KCNIP4: variants seen among roughly 807,000 people sequenced by gnomAD.
KCNIP4 encodes the protein potassium voltage-gated channel interacting protein 4, also known as Kv channel-interacting protein 4.
Under a neutral mutation model 34.0 loss-of-function variants are expected in KCNIP4, and 12 were observed. The observed-to-expected ratio is 0.35, with a 90% confidence interval of 0.23 to 0.57. The LOEUF (loss-of-function observed/expected upper bound fraction) is 0.57. Among genes scored for constraint, KCNIP4 ranks in the 20% least tolerant of loss-of-function variants. The pLI is 0.83. For missense variants in KCNIP4, 238 were observed against 311.7 expected, an observed-to-expected ratio of 0.76 and a Z score of 1.78; for synonymous variants, 124 against 102.2, an observed-to-expected ratio of 1.21 and a Z score of -1.29.
chr4:21,547,302 A>C (rs1738225800), intron 1 of KCNIP4, among the ~76,000 whole-genome samples: 1 of 152,254 alleles, frequency 6.6e-6, no homozygotes, highest in South Asian at 2.1e-4. Context: ...TGACTAATAC[A>C]ACAAAGAAAA....
rs1203274337 is a variant in KCNIP4, at chr4:21,147,955, A to G, written c.62-265246T>C. On this transcript the variant is annotated intron_variant, in intron 1 of 8. Transcript: ENST00000382152. ...ACTCCGTCTCAAAAAAAAAAAAAAA[A>G]AAAAAGAAAAAAAGTTCAAGTACTT... is the stretch of plus-strand genomic sequence containing the variant. Among the ~76,000 whole-genome samples the G allele has an allele frequency of 2.2e-4, 30 of 139,004 alleles. 1 individual carries two copies. Among genetic ancestry groups the G allele is most frequent in the Admixed American group, 2.9e-4 (4 of 13,560 alleles). 91.2% of individuals were successfully genotyped at this position (139,004 alleles called of 152,430 possible).
intron 1 of KCNIP4, among the ~76,000 whole-genome samples, chr4:21,334,690 A>T (rs540502024): frequency 6.6e-6 from 1 of 152,104 alleles, no homozygotes; most frequent in Non-Finnish European, 1.5e-5. Context: ...CCCCCACCCC[A>T]GGCAAACACT....
At chr4:21,849,823 T>C (rs1242519958) in intron 1 of KCNIP4, 1 of 152,044 alleles carries the variant, frequency 6.6e-6, no homozygotes, top group Non-Finnish European at 1.5e-5. Context: ...TTACATATTA[T>C]CAAATTTTGA....
At chr4:21,882,554 T>C (rs1031605948) in intron 1 of KCNIP4, among the ~76,000 whole-genome samples, 1 of 151,992 alleles carries the variant, frequency 6.6e-6, no homozygotes, top group Non-Finnish European at 1.5e-5. Flanking sequence ...CACGGAAACA[T>C]AAGTAGATGG....
At chr4:21,738,307 T>C (rs1199350109) in intron 1 of KCNIP4, among the ~76,000 whole-genome samples, 2 of 152,004 alleles carry the variant, frequency 1.3e-5, no homozygotes, top group Non-Finnish European at 2.9e-5. Context: ...GACAAGGAAA[T>C]GCAAGCTGTT....
chr4:21,222,574 C>T (rs991306709), intron 1 of KCNIP4, among the ~76,000 whole-genome samples: 4 of 152,138 alleles, frequency 2.6e-5, no homozygotes, highest in Admixed American at 1.3e-4. Flanking sequence ...TCTGTTCATG[C>T]AACTACTGTT....
chr4:20,772,926 A>C (rs1756042754), intron 3 of KCNIP4, among the ~76,000 whole-genome samples: 1 of 150,326 alleles, frequency 6.7e-6, no homozygotes, highest in Middle Eastern at 3.2e-3. Context: ...CAGCCACCAC[A>C]CCCGGCCCCT....
At chr4:21,692,044 T>A (rs10516397) in intron 1 of KCNIP4, among the ~76,000 whole-genome samples, 67,475 of 151,846 alleles carry the variant, frequency 0.44, 18,447 homozygotes, top group Non-Finnish European at 0.61. Flanking sequence ...TTAGACCTCG[T>A]GAAACATGTT....
chr4:20,749,510 A>G (rs541905443), intron 5 of KCNIP4, 152 bp downstream of exon 5: 17 of 525,264 alleles, frequency 3.2e-5, no homozygotes, highest in African/African-American at 3.0e-4. Flanking sequence ...ACATCTTTTG[A>G]AAGATAATTT....
chr4:21,059,934 T>G (rs974919519), intron 1 of KCNIP4, among the ~76,000 whole-genome samples: 2 of 152,114 alleles, frequency 1.3e-5, no homozygotes, highest in African/African-American at 4.8e-5. Context: ...CATTTTTGCC[T>G]CATTATCTTC....
rs1028391234 is a variant in KCNIP4, at chr4:21,132,877, T to C, written c.62-250168A>G. Among the ~76,000 whole-genome samples the C allele has an allele frequency of 5.6e-5, 7 of 125,526 alleles. No individual in the cohort carries two copies. The East Asian group carries it at 1.2e-3, about 21-fold the overall frequency. 82.3% of individuals were successfully genotyped at this position (125,526 alleles called of 152,430 possible). On this transcript the variant is annotated intron_variant, in intron 1 of 8. Coordinates refer to ENST00000382152, the MANE Select transcript of KCNIP4 (RefSeq NM_025221.6). ...ACAAAAAAAAAAAAAAAAAAAAAAT[T>C]AGCCAGGTGCCTGTAATCCCAGCTA...
intron 1 of KCNIP4, among the ~76,000 whole-genome samples, chr4:21,135,508 G>T (rs547596711): frequency 6.6e-6 from 1 of 152,010 alleles, no homozygotes; most frequent in East Asian, 1.9e-4. Flanking sequence ...TTACTGTAAG[G>T]CATCATGTTT....
At chr4:21,526,366 T>TC (rs756418249) in intron 1 of KCNIP4, among the ~76,000 whole-genome samples, 9 of 152,108 alleles carry the variant, frequency 5.9e-5, no homozygotes, top group Non-Finnish European at 8.8e-5. Context: ...TCTTCTACCA[T>TC]GATTTTGAGG....
At chr4:21,387,750 C>A (rs1454755889) in intron 1 of KCNIP4, among the ~76,000 whole-genome samples, 1 of 152,092 alleles carries the variant, frequency 6.6e-6, no homozygotes, top group East Asian at 1.9e-4. Flanking sequence ...AGTTAGTCAC[C>A]TTCCTCTCTT....
chr4:20,850,663 G>T lies in KCNIP4; in HGVS notation c.168C>A (p.Ser56Arg). ...TGGCCATCTCCAGTTCATCTTCCACGCTGTCTGTGGAGGAAAACAAGAAAG... is the reference window on the plus strand; with the variant it reads ...TGGCCATCTCCAGTTCATCTTCCACTCTGTCTGTGGAGGAAAACAAGAAAG... ...AKTSSPAIQNSVEDELEMATV... is the reference protein window; with the variant it reads ...AKTSSPAIQNRVEDELEMATV... The change falls in exon 3 of 9, where the codon AGC (serine) becomes AGA (arginine). Residue 56 changes from serine (S) to arginine (R), a missense_variant. Ser to Arg is a moderately radical substitution (Grantham distance 110, BLOSUM62 -1). Transcript: ENST00000382152. 6.2e-7 allele frequency: 1 copy of T among 1,611,660 alleles called. No individual in the cohort carries two copies. The highest frequency in any genetic ancestry group is 1.1e-5 in the South Asian group (1 of 90,996).
At chr4:20,982,098 G>A (rs1188264464) in intron 1 of KCNIP4, among the ~76,000 whole-genome samples, 1 of 152,136 alleles carries the variant, frequency 6.6e-6, no homozygotes, top group Non-Finnish European at 1.5e-5. Flanking sequence ...GTTGCCCGGG[G>A]CCTTACACTT....
Position 21,875,536 on chromosome 4 carries a change from G to A in KCNIP4, c.61+73035C>T, listed in dbSNP as rs1726061643. ...TGTATTAGGCATTTCTATACCAGTA[G>A]AAGTGATTTTTTTGGCACAATGTCT... is the stretch of plus-strand genomic sequence containing the variant. On this transcript the variant is annotated intron_variant, in intron 1 of 8. Coordinates refer to ENST00000382152, the MANE Select transcript of KCNIP4 (RefSeq NM_025221.6). Among the ~76,000 whole-genome samples, 4 of 152,122 alleles carry A rather than the reference G, an allele frequency of 2.6e-5. No homozygotes were observed. In the South Asian group the frequency reaches 6.2e-4, roughly 24 times the overall value.
At chr4:21,934,713 T>A (rs1194782775) in intron 1 of KCNIP4, among the ~76,000 whole-genome samples, 8 of 151,952 alleles carry the variant, frequency 5.3e-5, no homozygotes. Context: ...TCCTTCCCTG[T>A]CCAGGCAGGA....
At chr4:21,848,234 T>G (rs1398835) in intron 1 of KCNIP4, 3 of 152,036 alleles carry the variant, frequency 2.0e-5, no homozygotes, top group Non-Finnish European at 4.4e-5. Flanking sequence ...GCCTTCAGCA[T>G]AAGGATTCAA....
Sources: allele counts gnomAD v4.1 joint callset (sites outside exome capture counted in the v4.1 genomes callset), GRCh38; gene constraint gnomAD v4.1.1; transcripts MANE v1.5; gene names NCBI Gene and HGNC (gene_info 2026-07-23, HGNC 2026-07-21).